Variants in INSM2 observed in about 807,000 individuals in gnomAD.
INSM2 encodes the protein INSM transcriptional repressor 2.
A neutral mutation model predicts 30.5 loss-of-function variants in INSM2; 12 were observed. The observed-to-expected ratio is 0.39, with a 90% CI of 0.25 to 0.64. The LOEUF is 0.64. Among genes scored for constraint, INSM2 ranks in the 30% least tolerant of loss-of-function variants. The pLI is 0.47. For missense variants in INSM2, 773 were observed against 819.2 expected, an observed-to-expected ratio of 0.94 and a Z score of 0.69; for synonymous variants, 418 against 383.7, an observed-to-expected ratio of 1.09 and a Z score of -1.05.
Position 35,535,237 on chromosome 14 carries a change from G to C in INSM2, c.985G>C (p.Asp329His), listed in dbSNP as rs1357027065. Residue 329 changes from aspartate to histidine, a missense_variant, in exon 1 of 1, where the codon GAC becomes CAC. Coordinates refer to ENST00000307169, the MANE Select transcript of INSM2 (RefSeq NM_032594.4). Reference sequence around the variant, plus strand: ...AAACGCCGCCACAGTCTCCTCCGCCGACGGGAAGCCGCCTTCTTCGTCGTC... The same window carrying C: ...AAACGCCGCCACAGTCTCCTCCGCCCACGGGAAGCCGCCTTCTTCGTCGTC... ...AANAATVSSA[D>H]GKPPSSSSSS... is the part of the protein sequence containing the mutation. 5.6e-6 allele frequency: 9 copies of C among 1,613,508 alleles called. No individual in the cohort carries two copies. The highest frequency in any genetic ancestry group is 3.3e-5 in the Admixed American group (2 of 60,036).
In INSM2 at chr14:35,535,587, G is replaced by C; in HGVS notation, c.1335G>C (p.Leu445=). 6.2e-7 allele frequency: 1 copy of C among 1,613,268 alleles called. No homozygotes were observed. Among genetic ancestry groups the C allele is most frequent in the Non-Finnish European group, 8.5e-7 (1 of 1,179,978 alleles). ...FRRQAYLRKH[L]STHEAGSARA... is the part of the protein sequence containing the mutation. ...GCCAAGCCTATCTGCGCAAGCACCT[G>C]AGCACTCACGAGGCGGGCTCGGCCC... The change falls in exon 1 of 1, where the codon CTG becomes CTC. Residue 445 remains leucine (L), a synonymous_variant. Coordinates refer to ENST00000307169, the MANE Select transcript of INSM2 (RefSeq NM_032594.4).
At position 35,535,669 on chromosome 14, in the gene INSM2, C is replaced by T. The variant is rs778091935; in HGVS notation, c.1417C>T (p.Pro473Ser). 6.2e-7 allele frequency: 1 copy of T among 1,613,274 alleles called. No homozygotes were observed. The highest frequency in any genetic ancestry group is 1.7e-5 in the Admixed American group (1 of 60,038). Residue 473 changes from proline to serine, a missense_variant, in exon 1 of 1, where the codon CCA becomes TCA. Pro to Ser is a moderately conservative substitution (Grantham distance 74). Coordinates refer to ENST00000307169, the MANE Select transcript of INSM2 (RefSeq NM_032594.4). ...CGGTGCCCCACTTGCCTTCGCTTGC[C>T]CATTGTGCGGAGCGCACTTCCCTAC... is the stretch of plus-strand genomic sequence containing the variant. Reference protein sequence around the residue: ...ERGAPLAFACPLCGAHFPTAD... With the variant: ...ERGAPLAFACSLCGAHFPTAD...
chr14:35,535,585 C>T lies in INSM2; in HGVS notation c.1333C>T (p.Leu445=). 2.5e-6 allele frequency: 4 copies of T among 1,613,310 alleles called. No homozygotes were observed. The highest frequency in any genetic ancestry group is 1.6e-4 in the Middle Eastern group (1 of 6,062). ...TCGCCAAGCCTATCTGCGCAAGCAC[C>T]TGAGCACTCACGAGGCGGGCTCGGC... ...FRRQAYLRKH[L]STHEAGSARA... is the part of the protein sequence containing the mutation. Residue 445 remains leucine, a synonymous_variant, in exon 1 of 1, where the codon CTG becomes TTG. Coordinates refer to ENST00000307169, the MANE Select transcript of INSM2 (RefSeq NM_032594.4).
Position 35,535,370 on chromosome 14 carries a change from C to G in INSM2, c.1118C>G (p.Ser373Cys), listed in dbSNP as rs768964005. Residue 373 changes from serine to cysteine, a missense_variant, in exon 1 of 1, where the codon TCC becomes TGC. Coordinates refer to ENST00000307169, the MANE Select transcript of INSM2 (RefSeq NM_032594.4). ...ADQHPQARDS[S>C]GADQHPDSAP... is the part of the protein sequence containing the mutation. ...CAGCACCCGCAGGCCAGGGACAGCTCCGGGGCGGATCAGCACCCGGACAGC... is the reference window on the plus strand; with the variant it reads ...CAGCACCCGCAGGCCAGGGACAGCTGCGGGGCGGATCAGCACCCGGACAGC... 5.0e-6 allele frequency: 8 copies of G among 1,611,460 alleles called. No individual in the cohort carries two copies. The highest frequency in any genetic ancestry group is 6.8e-6 in the Non-Finnish European group (8 of 1,179,166).
rs373080462 is a variant in INSM2 at position 35,535,612 on chromosome 14, C to G, written c.1360C>G (p.Arg454Gly). ...GAGCACTCACGAGGCGGGCTCGGCC[C>G]GTGCGCTAGCGCCGGGCTTTGGCTC... ...HLSTHEAGSA[R>G]ALAPGFGSER... is the part of the protein sequence containing the mutation. The change falls in exon 1 of 1, where the codon CGT (arginine) becomes GGT (glycine). Residue 454 changes from arginine (R) to glycine (G), a missense_variant. Arg to Gly is a moderately radical substitution (Grantham distance 125). Transcript: ENST00000307169. The G allele has an allele frequency of 3.7e-6, 6 of 1,613,110 alleles. No individual in the cohort carries two copies. Among genetic ancestry groups the G allele is most frequent in the South Asian group, 1.1e-5 (1 of 91,086 alleles).
rs748188322 is a variant in INSM2 at position 35,534,499 on chromosome 14, A to G, written c.247A>G (p.Ser83Gly). 22 of 1,423,342 alleles carry G rather than the reference A, an allele frequency of 1.5e-5. No individual in the cohort carries two copies. The highest frequency in any genetic ancestry group is 1.8e-5 in the Non-Finnish European group (20 of 1,094,586). The allele number at this position is 1,423,342 out of a possible 1,614,324, so 88.2% of individuals were successfully genotyped here. Residue 83 changes from serine to glycine, a missense_variant, in exon 1 of 1, where the codon AGC (serine) becomes GGC (glycine). By Grantham distance (56) the Ser-to-Gly change is moderately conservative. Coordinates refer to ENST00000307169, the MANE Select transcript of INSM2 (RefSeq NM_032594.4). ...GTCGCCATGTCGGGCGGCTGGGGTG[A>G]GCCCGGGGACGGGCGGGCGGGAAGG... is the stretch of plus-strand genomic sequence containing the variant. ...SGSPCRAAGV[S>G]PGTGGREGAE...
Position 35,534,812 on chromosome 14 carries a change from C to T in INSM2, c.560C>T (p.Ala187Val). The T allele has an allele frequency of 6.7e-7, 1 of 1,485,826 alleles. No individual in the cohort carries two copies. The highest frequency in any genetic ancestry group is 8.9e-7 in the Non-Finnish European group (1 of 1,124,200). The allele number at this position is 1,485,826 out of a possible 1,614,324, so 92.0% of individuals were successfully genotyped here. ...CCGGACCCTGCGCCCCTCTCGGCCGCCCTTCAGAGTCTGAAGCGGGCGGCC... is the reference window on the plus strand; with the variant it reads ...CCGGACCCTGCGCCCCTCTCGGCCGTCCTTCAGAGTCTGAAGCGGGCGGCC... ...LQPDPAPLSA[A>V]LQSLKRAAGG... The change falls in exon 1 of 1, where the codon GCC (alanine) becomes GTC (valine). Residue 187 changes from alanine to valine, a missense_variant. Ala to Val is a moderately conservative substitution (Grantham distance 64). Transcript: ENST00000307169.
rs762037015 is a variant in INSM2, at chr14:35,534,898, A to G, written c.646A>G (p.Ile216Val). Residue 216 changes from isoleucine to valine, a missense_variant, in exon 1 of 1, where the codon ATC (isoleucine) becomes GTC (valine). Ile to Val is a conservative substitution (Grantham distance 29). Coordinates refer to ENST00000307169, the MANE Select transcript of INSM2 (RefSeq NM_032594.4). ...CGCGTCTGGACCCGCGGCCGCGGGA[A>G]TCAAGAAGCCAAAGGCCATGAGGAA... is the stretch of plus-strand genomic sequence containing the variant. ...DCASGPAAAG[I>V]KKPKAMRKLS... The G allele has an allele frequency of 6.3e-6, 10 of 1,591,070 alleles. No homozygotes were observed. Among genetic ancestry groups the G allele is most frequent in the Non-Finnish European group, 8.5e-6 (10 of 1,172,082 alleles).
At position 35,536,902 on chromosome 14, in the gene INSM2, G is replaced by A. The variant is rs987824742; in HGVS notation, c.*949G>A. ...CAATATTCAGTATTTTCTTTTCAGCGGCAACTTGTTTTTGATTTTTTTAAA... is the reference window on the plus strand; with the variant it reads ...CAATATTCAGTATTTTCTTTTCAGCAGCAACTTGTTTTTGATTTTTTTAAA... On this transcript the variant is annotated 3_prime_UTR_variant, in exon 1 of 1. Coordinates refer to ENST00000307169, the MANE Select transcript of INSM2 (RefSeq NM_032594.4). The A allele has an allele frequency of 6.0e-6, 1 of 166,976 alleles. No individual in the cohort carries two copies. Among genetic ancestry groups the A allele is most frequent in the African/African-American group, 2.4e-5 (1 of 41,410 alleles). The allele number at this position is 166,976 out of a possible 1,614,324, so 10.3% of individuals were successfully genotyped here. A position where few individuals can be genotyped will look rare whatever the true frequency, so the allele number is the denominator to read the frequency against.
chr14:35,536,539 T>G lies in INSM2; in HGVS notation c.*586T>G, dbSNP rs771972420. The G allele has an allele frequency of 6.0e-6, 1 of 167,130 alleles. No homozygotes were observed. Among genetic ancestry groups the G allele is most frequent in the Admixed American group, 6.5e-5 (1 of 15,292 alleles). 10.4% of individuals were successfully genotyped at this position (167,130 alleles called of 1,614,324 possible). On this transcript the variant is annotated 3_prime_UTR_variant, in exon 1 of 1. Coordinates refer to ENST00000307169, the MANE Select transcript of INSM2 (RefSeq NM_032594.4). Reference sequence around the variant, plus strand: ...GTGCATGGGGATCTCCCCTGTAAACTTTCCTTTGCCCAATTATATGTACAT... The same window carrying G: ...GTGCATGGGGATCTCCCCTGTAAACGTTCCTTTGCCCAATTATATGTACAT...
In INSM2 at chr14:35,534,826, A is replaced by C. The variant is rs1233901053; in HGVS notation, c.574A>C (p.Lys192Gln). Residue 192 changes from lysine (K) to glutamine (Q), a missense_variant, in exon 1 of 1, where the codon AAG (lysine) becomes CAG (glutamine). Transcript: ENST00000307169. The stretch of plus-strand genomic sequence containing the variant: ...CCTCTCGGCCGCCCTTCAGAGTCTG[A>C]AGCGGGCGGCCGGCGGCGAGCGCCG... ...APLSAALQSL[K>Q]RAAGGERRGK... The C allele has an allele frequency of 2.6e-6, 4 of 1,510,620 alleles. No individual in the cohort carries two copies. In the South Asian group the frequency reaches 5.1e-5, roughly 19 times the overall value. 93.6% of individuals were successfully genotyped at this position (1,510,620 alleles called of 1,614,324 possible).
At position 35,534,644 on chromosome 14, in the gene INSM2, C is replaced by T. The variant is rs2053581483; in HGVS notation, c.392C>T (p.Ser131Leu). 7.1e-7 allele frequency: 1 copy of T among 1,417,556 alleles called. No homozygotes were observed. The highest frequency in any genetic ancestry group is 1.6e-5 in the South Asian group (1 of 63,584). 87.8% of individuals were successfully genotyped at this position (1,417,556 alleles called of 1,614,324 possible). ...RRAFLERCLS[S>L]PVSAESFPGG... ...GCGTTCCTGGAGCGCTGCCTCAGCT[C>T]GCCCGTCTCCGCCGAGTCTTTCCCC... The change falls in exon 1 of 1, where the codon TCG (serine) becomes TTG (leucine). Residue 131 changes from serine (S) to leucine (L), a missense_variant. Ser to Leu is a moderately radical substitution (Grantham distance 145). Transcript: ENST00000307169.
chr14:35,535,793 G>A lies in INSM2; in HGVS notation c.1541G>A (p.Ser514Asn), dbSNP rs1007882161. ...GCTCCTCCCGAAACGTCGGGCCCTA[G>A]CGGGCCATCTGACGGGAGTGCCCAG... is the stretch of plus-strand genomic sequence containing the variant. Reference protein sequence around the residue: ...AGAPPETSGPSGPSDGSAQQI... With the variant: ...AGAPPETSGPNGPSDGSAQQI... The change falls in exon 1 of 1, where the codon AGC becomes AAC. Residue 514 changes from serine to asparagine, a missense_variant. Coordinates refer to ENST00000307169, the MANE Select transcript of INSM2 (RefSeq NM_032594.4). The A allele has an allele frequency of 6.2e-7, 1 of 1,613,326 alleles. No homozygotes were observed. The highest frequency in any genetic ancestry group is 1.3e-5 in the African/African-American group (1 of 74,956).
Position 35,535,117 on chromosome 14 carries a change from G to C in INSM2, c.865G>C (p.Val289Leu). The C allele has an allele frequency of 6.2e-7, 1 of 1,607,228 alleles. No individual in the cohort carries two copies. Among genetic ancestry groups the C allele is most frequent in the Non-Finnish European group, 8.5e-7 (1 of 1,176,542 alleles). The change falls in exon 1 of 1, where the codon GTA (valine) becomes CTA (leucine). Residue 289 changes from valine to leucine, a missense_variant. Transcript: ENST00000307169. ...AQHRCSRIVR[V>L]EYRCPECDKV... ...GCACCGCTGCTCCCGCATCGTGCGC[G>C]TAGAGTACCGCTGCCCTGAGTGCGA...
At position 35,534,528 on chromosome 14, in the gene INSM2, G is replaced by A. The variant is rs572000158; in HGVS notation, c.276G>A (p.Ala92=). The change falls in exon 1 of 1, where the codon GCG becomes GCA. Residue 92 remains alanine, a synonymous_variant. Transcript: ENST00000307169. ...CGGGGACGGGCGGGCGGGAAGGCGC[G>A]GAGTGGCGGGCGGGTGGCAGGGAAG... ...VSPGTGGREG[A]EWRAGGREGP... 10 of 1,399,430 alleles carry A rather than the reference G, an allele frequency of 7.1e-6. No homozygotes were observed. Among genetic ancestry groups the A allele is most frequent in the East Asian group, 3.0e-5 (1 of 33,178 alleles). The allele number at this position is 1,399,430 out of a possible 1,614,324, so 86.7% of individuals were successfully genotyped here.
In INSM2 at chr14:35,534,867, G is replaced by A. The variant is rs2053584104; in HGVS notation, c.615G>A (p.Thr205=). 1 of 1,573,374 alleles carries A rather than the reference G, an allele frequency of 6.4e-7. No homozygotes were observed. Among genetic ancestry groups the A allele is most frequent in the Non-Finnish European group, 8.6e-7 (1 of 1,165,492 alleles). Reference sequence around the variant, plus strand: ...GCGAGCGCCGCGGCAAGGCACCCACGGACTGCGCGTCTGGACCCGCGGCCG... The same window carrying A: ...GCGAGCGCCGCGGCAAGGCACCCACAGACTGCGCGTCTGGACCCGCGGCCG... The part of the protein sequence containing the change: ...AGGERRGKAP[T]DCASGPAAAG... Residue 205 remains threonine (T), a synonymous_variant, in exon 1 of 1, where the codon ACG becomes ACA. Transcript: ENST00000307169.
rs752362643 is a variant in INSM2 at position 35,534,387 on chromosome 14, C to T, written c.135C>T (p.Ser45=). Reference sequence around the variant, plus strand: ...TCTTGGAGGAGGCTCCCAGCGCCTCCTTGCCCGGCGCGGAGCGGGCGACAC... The same window carrying T: ...TCTTGGAGGAGGCTCCCAGCGCCTCTTTGCCCGGCGCGGAGCGGGCGACAC... ...PPFLEEAPSA[S]LPGAERATPP... Residue 45 remains serine (S), a synonymous_variant, in exon 1 of 1, where the codon TCC becomes TCT. Transcript: ENST00000307169. 1 of 1,543,936 alleles carries T rather than the reference C, an allele frequency of 6.5e-7. No homozygotes were observed. The highest frequency in any genetic ancestry group is 1.4e-5 in the African/African-American group (1 of 69,390).
Position 35,534,972 on chromosome 14 carries a change from G to A in INSM2, c.720G>A (p.Lys240=), listed in dbSNP as rs2053585632. The A allele has an allele frequency of 6.4e-7, 1 of 1,564,866 alleles. No homozygotes were observed. The highest frequency in any genetic ancestry group is 2.3e-5 in the East Asian group (1 of 44,280). ...EVTTSPVLGL[K]IKEEEPGAPS... Reference sequence around the variant, plus strand: ...CCACATCCCCTGTCCTGGGCCTGAAGATCAAGGAGGAGGAGCCCGGAGCGC... The same window carrying A: ...CCACATCCCCTGTCCTGGGCCTGAAAATCAAGGAGGAGGAGCCCGGAGCGC... The change falls in exon 1 of 1, where the codon AAG becomes AAA. Residue 240 remains lysine (K), a synonymous_variant. Coordinates refer to ENST00000307169, the MANE Select transcript of INSM2 (RefSeq NM_032594.4).
chr14:35,534,213 G>A lies in INSM2; in HGVS notation c.-40G>A. 1.3e-6 allele frequency: 2 copies of A among 1,550,084 alleles called. No homozygotes were observed. Among genetic ancestry groups the A allele is most frequent in the Non-Finnish European group, 8.7e-7 (1 of 1,154,860 alleles). ...CTGGCCGGCTCTCAGTCCCCGTGGC[G>A]CCCCCTTTCCTCTTGTCCCAGAGCG... is the stretch of plus-strand genomic sequence containing the variant. On this transcript the variant is annotated 5_prime_UTR_variant, in exon 1 of 1. Transcript: ENST00000307169.
Sources: gnomAD v4.1 joint callset for allele counts on GRCh38, gnomAD v4.1.1 for gene constraint, MANE v1.5 for transcripts, NCBI Gene and HGNC (gene_info 2026-07-23, HGNC 2026-07-21) for gene names.